The following NFASC variants were observed in gnomAD, a reference collection of about 807,000 sequenced individuals.
The protein encoded by NFASC is neurofascin homolog.
NFASC carries 43 observed loss-of-function variants against 147.5 expected under a neutral mutation model. The observed-to-expected ratio is 0.29, with a 90% confidence interval of 0.23 to 0.38. The LOEUF is 0.38. NFASC is among the 10% of genes least tolerant of loss of function. The pLI, the probability that NFASC is intolerant of heterozygous loss-of-function variation, is 1.00. For synonymous variants in NFASC, 622 were observed against 665.5 expected, an observed-to-expected ratio of 0.93 and a Z score of 1.01; for missense variants, 1,320 against 1,689.0, an observed-to-expected ratio of 0.78 and a Z score of 3.83.
chr1:204,970,641 C>G lies in NFASC; in HGVS notation c.1029C>G (p.Pro343=). 1 of 1,614,144 alleles carries G rather than the reference C, an allele frequency of 6.2e-7. No individual in the cohort carries two copies. The highest frequency in any genetic ancestry group is 8.5e-7 in the Non-Finnish European group (1 of 1,180,052). ...CTGCTCCCTACTGGCTGGACGAACCCAAGAACCTTATTCTGGCTCCTGGCG... is the reference window on the plus strand; with the variant it reads ...CTGCTCCCTACTGGCTGGACGAACCGAAGAACCTTATTCTGGCTCCTGGCG... The part of the protein sequence containing the change: ...VKAAPYWLDE[P]KNLILAPGED... The change falls in exon 11 of 30, where the codon CCC becomes CCG. Residue 343 remains proline (P), a synonymous_variant. Transcript: ENST00000339876.
intron 2 of NFASC, among the ~76,000 whole-genome samples, chr1:204,935,999 C>T (rs139794249): frequency 4.3e-4 from 65 of 152,176 alleles, no homozygotes; most frequent in African/African-American, 1.5e-3. Flanking sequence ...TCAAATAAAA[C>T]CTTATATGAA....
At chr1:204,938,564 G>A (rs2093079067) in intron 2 of NFASC, among the ~76,000 whole-genome samples, 1 of 152,148 alleles carries the variant, frequency 6.6e-6, no homozygotes, top group South Asian at 2.1e-4. Context: ...ACTTTTAAGT[G>A]GGAAGTGGCC....
intron 1 of NFASC, among the ~76,000 whole-genome samples, chr1:204,891,495 G>A (rs766008299): frequency 1.3e-5 from 2 of 152,164 alleles, no homozygotes; most frequent in Non-Finnish European, 2.9e-5. Flanking sequence ...AGGCCCTAGG[G>A]CTAGAAGCAA....
chr1:204,995,753 G>A (rs969034505), intron 24 of NFASC, among the ~76,000 whole-genome samples: 17 of 152,096 alleles, frequency 1.1e-4, no homozygotes, highest in African/African-American at 3.9e-4. Context: ...CTTTTGCTGG[G>A]CAGGCTCTGG....
At chr1:204,892,097 T>C (rs1232089926) in intron 1 of NFASC, among the ~76,000 whole-genome samples, 1 of 152,200 alleles carries the variant, frequency 6.6e-6, no homozygotes. Flanking sequence ...GCAATTTTAA[T>C]CACAGGAAGG....
chr1:204,924,745 C>T (rs1474705695), intron 2 of NFASC, among the ~76,000 whole-genome samples: 2 of 152,176 alleles, frequency 1.3e-5, no homozygotes, highest in Admixed American at 6.5e-5. Context: ...GGTGTCTGCA[C>T]AGGCATCGTC....
At chr1:204,999,439 T>A (rs2095923506) in intron 25 of NFASC, 1 of 152,192 alleles carries the variant, frequency 6.6e-6, no homozygotes, top group Non-Finnish European at 1.5e-5. Flanking sequence ...ACACAAATTC[T>A]CTAGCTATTT....
Position 204,979,967 on chromosome 1 carries a change from C to G in NFASC, c.2177-403C>G, listed in dbSNP as rs892169813. On this transcript the variant is annotated intron_variant, in intron 19 of 29. Coordinates refer to ENST00000339876, the MANE Select transcript of NFASC (RefSeq NM_001005388.3). The surrounding 1 kb of genome is among the most constrained non-coding windows in gnomAD (Gnocchi z 6.0). ...GGTAATATTTGGATTTCTGAAATCACACCAGCTCATAGAGGGTAGAGATGC... is the reference window on the plus strand; with the variant it reads ...GGTAATATTTGGATTTCTGAAATCAGACCAGCTCATAGAGGGTAGAGATGC... Among the ~76,000 whole-genome samples the G allele has an allele frequency of 2.6e-5, 4 of 152,182 alleles. No homozygotes were observed. The highest frequency in any genetic ancestry group is 9.7e-5 in the African/African-American group (4 of 41,444).
intron 2 of NFASC, among the ~76,000 whole-genome samples, chr1:204,943,661 C>G (rs1332573076): frequency 6.6e-6 from 1 of 152,182 alleles, no homozygotes; most frequent in Non-Finnish European, 1.5e-5. Flanking sequence ...CACCCTGCCC[C>G]CTTCGTCCTG....
intron 10 of NFASC, 63 bp from the exon 11 acceptor site, chr1:204,970,553 T>G: frequency 6.3e-7 from 1 of 1,599,746 alleles, no homozygotes; most frequent in Non-Finnish European, 8.5e-7. Flanking sequence ...GGGAGACTGC[T>G]TGGTTTCTTC....
rs1232116557 is a variant in NFASC, at chr1:204,979,073, G to T, written c.1978+4G>T. ...GCTAACAACAGCCCCATCACAGGTA[G>T]CTCAGGGCCTTGCACCCCAAAGCTG... On this transcript the variant is annotated splice_donor_region_variant and intron_variant, in intron 18 of 29. Coordinates refer to ENST00000339876, the MANE Select transcript of NFASC (RefSeq NM_001005388.3). The surrounding 1 kb of genome is among the most constrained non-coding windows in gnomAD (Gnocchi z 6.0). 6.4e-7 allele frequency: 1 copy of T among 1,552,462 alleles called. No individual in the cohort carries two copies. The highest frequency in any genetic ancestry group is 1.4e-5 in the African/African-American group (1 of 73,314).
chr1:204,857,249 G>A (rs923088027), intron 1 of NFASC, among the ~76,000 whole-genome samples: 2 of 152,168 alleles, frequency 1.3e-5, no homozygotes, highest in African/African-American at 2.4e-5. Flanking sequence ...AGCACAGCAG[G>A]TGCCACCTTT....
In NFASC at chr1:205,017,919, C is replaced by A. The variant is rs1468355057; in HGVS notation, c.*1380C>A. Reference sequence around the variant, plus strand: ...CCTGGAGTTCCCAGGTTCCCAGCTCCCCCCCTGCAAGCCTTGAAGCCTCCA... The same window carrying A: ...CCTGGAGTTCCCAGGTTCCCAGCTCACCCCCTGCAAGCCTTGAAGCCTCCA... On this transcript the variant is annotated 3_prime_UTR_variant, in exon 30 of 30. Coordinates refer to ENST00000339876, the MANE Select transcript of NFASC (RefSeq NM_001005388.3). 3 of 152,852 alleles carry A rather than the reference C, an allele frequency of 2.0e-5. No individual in the cohort carries two copies. The highest frequency in any genetic ancestry group is 7.2e-5 in the African/African-American group (3 of 41,432). The allele number at this position is 152,852 out of a possible 1,614,324, so 9.5% of individuals were successfully genotyped here.
At position 204,962,813 on chromosome 1, in the gene NFASC, C is replaced by A. The variant is rs77393522; in HGVS notation, c.706+4987C>A. On this transcript the variant is annotated intron_variant, in intron 8 of 29. Transcript: ENST00000339876. The stretch of plus-strand genomic sequence containing the variant: ...TTTGGTAGTATATGCAAATCAAATG[C>A]CCACCAGTCCACACTTGCGAGACAT... 3.7e-3 allele frequency among the ~76,000 whole-genome samples: 556 copies of A among 152,266 alleles called. 2 individuals are homozygous for A. Among genetic ancestry groups the A allele is most frequent in the African/African-American group, 0.013 (521 of 41,534 alleles).
At chr1:205,011,806 G>A (rs775277585) in intron 28 of NFASC, among the ~76,000 whole-genome samples, 5 of 152,210 alleles carry the variant, frequency 3.3e-5, no homozygotes, top group African/African-American at 9.7e-5. Flanking sequence ...TAGGCCGGGC[G>A]CGGTGGCTCA....
intron 10 of NFASC, among the ~76,000 whole-genome samples, chr1:204,969,496 A>T (rs964348452): frequency 6.6e-6 from 1 of 152,156 alleles, no homozygotes; most frequent in Non-Finnish European, 1.5e-5. Flanking sequence ...ATGGGTCCCC[A>T]CCGTGTGTGG....
chr1:204,944,168 G>T, intron 2 of NFASC, 58 bp from the exon 3 acceptor site: 2 of 1,484,430 alleles, frequency 1.3e-6, no homozygotes. Context: ...CTGTAGGATT[G>T]CTAGAGCAAA....
At chr1:204,851,416 T>C (rs1387235847) in intron 1 of NFASC, among the ~76,000 whole-genome samples, 1 of 150,498 alleles carries the variant, frequency 6.6e-6, no homozygotes, top group Non-Finnish European at 1.5e-5. Flanking sequence ...CACTGCAACC[T>C]CCACCTCCCA....
At chr1:204,920,410 C>T (rs1196188582) in intron 1 of NFASC, among the ~76,000 whole-genome samples, 1 of 150,528 alleles carries the variant, frequency 6.6e-6, no homozygotes, top group Non-Finnish European at 1.5e-5. Context: ...GAGACAATCA[C>T]CCTTGCAGGA....
Sources: allele counts gnomAD v4.1 joint callset (sites outside exome capture counted in the v4.1 genomes callset), GRCh38; gene constraint gnomAD v4.1.1; non-coding constraint Gnocchi (gnomAD v3.1); transcripts MANE v1.5; gene names NCBI Gene and HGNC (gene_info 2026-07-23, HGNC 2026-07-21).